DMXL2: variants seen among roughly 807,000 people sequenced by gnomAD.
The protein encoded by DMXL2 is dmX-like protein 2.
Under a neutral mutation model 331.1 loss-of-function variants are expected in DMXL2, and 103 were observed. The observed-to-expected ratio is 0.31, with a 90% confidence interval of 0.27 to 0.37. The LOEUF (loss-of-function observed/expected upper bound fraction) is 0.37, where lower values mean the gene tolerates loss of function less well. DMXL2 is among the 10% of genes least tolerant of loss of function. The probability of loss-of-function intolerance (pLI) is 1.00; values close to 1 mark genes in which losing one functional copy is unlikely to be tolerated. For missense variants in DMXL2, 3,171 were observed against 3,642.9 expected (o/e 0.87, Z 3.33); for synonymous variants, 1,281 against 1,252.1 (o/e 1.02, Z -0.49).
At position 51,536,411 on chromosome 15, in the gene DMXL2, C is replaced by T; in HGVS notation, c.2069G>A (p.Ser690Asn). ...DCQWDSDNKL[S>N]RLMDPVKHIK... is the part of the protein sequence containing the mutation. ...ATGTTTTACAGGGTCCATTAATCTACTTAATTTATTGTCTGAGTCCCACTG... is the reference window on the plus strand; with the variant it reads ...ATGTTTTACAGGGTCCATTAATCTATTTAATTTATTGTCTGAGTCCCACTG... The change falls in exon 12 of 44, where the codon AGT becomes AAT. Residue 690 changes from serine to asparagine, a missense_variant. By Grantham distance (46) the Ser-to-Asn change is conservative. Around this residue, in one of 7 missense-constraint regions of DMXL2, gnomAD observed 1,674 missense variants for 1,780.2 expected, o/e 0.94. Transcript: ENST00000560891. The T allele has an allele frequency of 4.3e-6, 7 of 1,613,836 alleles. No homozygotes were observed. Among genetic ancestry groups the T allele is most frequent in the Non-Finnish European group, 5.9e-6 (7 of 1,179,884 alleles).
At chr15:51,452,077 T>C (rs530011083) in intron 41 of DMXL2, among the ~76,000 whole-genome samples, 1 of 152,332 alleles carries the variant, frequency 6.6e-6, no homozygotes, top group Admixed American at 6.5e-5. Flanking sequence ...ATGTTGAGAA[T>C]GATGGGGACA....
intron 1 of DMXL2, among the ~76,000 whole-genome samples, chr15:51,602,186 A>G (rs2053274161): frequency 6.6e-6 from 1 of 152,158 alleles, no homozygotes; most frequent in Non-Finnish European, 1.5e-5. Context: ...ATTTTACTGA[A>G]CTAAGTTAGG....
chr15:51,512,857 A>C lies in DMXL2; in HGVS notation c.2644+1585T>G, dbSNP rs1229085549. On this transcript the variant is annotated intron_variant, in intron 15 of 43. Coordinates refer to ENST00000560891, the MANE Select transcript of DMXL2 (RefSeq NM_001378457.1). The stretch of plus-strand genomic sequence containing the variant: ...ATTCGGGGGGAAAAGGAAAAGAAAA[A>C]TTGTGTAGACAAAGCAAGTGTGATA... 2.6e-5 allele frequency among the ~76,000 whole-genome samples: 4 copies of C among 152,106 alleles called. No individual in the cohort carries two copies. The South Asian group carries it at 8.3e-4, about 32-fold the overall frequency.
intron 18 of DMXL2, among the ~76,000 whole-genome samples, chr15:51,497,970 T>C (rs1427357943): frequency 6.6e-6 from 1 of 152,120 alleles, no homozygotes; most frequent in African/African-American, 2.4e-5. Flanking sequence ...TGGTGACTCA[T>C]ACCTATAATC....
rs1246226398 is a variant in DMXL2, at chr15:51,481,444, T to C, written c.5662A>G (p.Thr1888Ala). 6.2e-7 allele frequency: 1 copy of C among 1,612,434 alleles called. No individual in the cohort carries two copies. The highest frequency in any genetic ancestry group is 1.3e-5 in the African/African-American group (1 of 74,782). ...NLIERKLFFT[T>A]ANAHFKVGCP... Reference sequence around the variant, plus strand: ...CCAACTTTAAAATGAGCATTTGCAGTGGTAAAGAATAATTTTCTTTCTATG... The same window carrying C: ...CCAACTTTAAAATGAGCATTTGCAGCGGTAAAGAATAATTTTCTTTCTATG... Residue 1888 changes from threonine to alanine, a missense_variant, in exon 24 of 44, where the codon ACT (threonine) becomes GCT (alanine). Physicochemically the swap from Thr to Ala is moderately conservative, Grantham distance 58. Coordinates refer to ENST00000560891, the MANE Select transcript of DMXL2 (RefSeq NM_001378457.1).
chr15:51,549,129 A>C (rs2049053337), intron 6 of DMXL2, among the ~76,000 whole-genome samples: 1 of 151,986 alleles, frequency 6.6e-6, no homozygotes, highest in South Asian at 2.1e-4. Flanking sequence ...CTTCCTCCCT[A>C]GTCCCCAAAG....
chr15:51,521,164 T>C lies in DMXL2; in HGVS notation c.2437-3997A>G, dbSNP rs553198721. Among the ~76,000 whole-genome samples, 558 of 152,234 alleles carry C rather than the reference T, an allele frequency of 3.7e-3. 5 individuals are homozygous for C. Among genetic ancestry groups the C allele is most frequent in the African/African-American group, 0.013 (534 of 41,528 alleles). On this transcript the variant is annotated intron_variant, in intron 13 of 43. Coordinates refer to ENST00000560891, the MANE Select transcript of DMXL2 (RefSeq NM_001378457.1). ...AAAATAAACACAGCTGGCTCTTGAG[T>C]GACAGCCGTAGTTGTAAGAGTTTGG...
At chr15:51,576,487 A>C (rs184645647) in intron 1 of DMXL2, among the ~76,000 whole-genome samples, 1 of 152,264 alleles carries the variant, frequency 6.6e-6, no homozygotes, top group East Asian at 1.9e-4. Context: ...CTTTCTCTCC[A>C]AAGTTCATCT....
At chr15:51,565,029 T>C (rs867988866) in intron 4 of DMXL2, 59 bp downstream of exon 4, 27 of 989,442 alleles carry the variant, frequency 2.7e-5, no homozygotes, top group Middle Eastern at 6.7e-4. Context: ...ATCACATTAT[T>C]ATCATACATT....
chr15:51,528,012 T>C (rs1371518921), intron 13 of DMXL2, among the ~76,000 whole-genome samples: 2 of 152,204 alleles, frequency 1.3e-5, no homozygotes, highest in African/African-American at 4.8e-5. Context: ...TAAGTCATAA[T>C]TAGCTTAAAA....
chr15:51,480,431 A>C, intron 24 of DMXL2, 111 bp downstream of exon 24: 1 of 1,295,764 alleles, frequency 7.7e-7, no homozygotes, highest in East Asian at 2.5e-5. Flanking sequence ...GAGGAGCTGA[A>C]CATATTTAGA....
chr15:51,511,157 C>G (rs2046734403), intron 15 of DMXL2, among the ~76,000 whole-genome samples: 1 of 152,080 alleles, frequency 6.6e-6, no homozygotes, highest in African/African-American at 2.4e-5. Flanking sequence ...ACTAAAACAC[C>G]AAAAACAATG....
At chr15:51,514,079 G>C (rs927365848) in intron 15 of DMXL2, among the ~76,000 whole-genome samples, 2 of 152,040 alleles carry the variant, frequency 1.3e-5, no homozygotes, top group Non-Finnish European at 2.9e-5. Flanking sequence ...TTGGTCTGAA[G>C]CAATTTACTG....
In DMXL2 at chr15:51,499,152, A is replaced by G. The variant is rs763064140; in HGVS notation, c.4072T>C (p.Leu1358=). The change falls in exon 18 of 44, where the codon TTA becomes CTA. Residue 1358 remains leucine (L), a synonymous_variant. Transcript: ENST00000560891. Reference sequence around the variant, plus strand: ...GCTTTAGCCCTTCGCACTTTCCCTAAATCCATCAATTCTAACAGCTGAGTT... The same window carrying G: ...GCTTTAGCCCTTCGCACTTTCCCTAGATCCATCAATTCTAACAGCTGAGTT... The part of the protein sequence containing the change: ...HPTQLLELMD[L]GKVRRAKAIL... The G allele has an allele frequency of 6.2e-7, 1 of 1,614,064 alleles. No homozygotes were observed. The highest frequency in any genetic ancestry group is 1.3e-5 in the African/African-American group (1 of 75,014).
intron 23 of DMXL2, among the ~76,000 whole-genome samples, chr15:51,484,601 C>A (rs910799291): frequency 6.6e-6 from 1 of 152,148 alleles, no homozygotes; most frequent in Non-Finnish European, 1.5e-5. Flanking sequence ...TTAGAAGAGG[C>A]AACTTTTTCT....
chr15:51,453,440 T>C (rs1411616955), intron 41 of DMXL2, 110 bp downstream of exon 41: 2 of 745,614 alleles, frequency 2.7e-6, no homozygotes, highest in African/African-American at 3.7e-5. Flanking sequence ...ACAAAGTTTT[T>C]TTTTTTAATG....
chr15:51,586,450 T>A (rs2051833397), intron 1 of DMXL2, among the ~76,000 whole-genome samples: 2 of 152,024 alleles, frequency 1.3e-5, no homozygotes, highest in Non-Finnish European at 2.9e-5. Flanking sequence ...CGTTTATGAG[T>A]AAGTGGTAAA....
chr15:51,481,694 T>C (rs2042021100), intron 23 of DMXL2, 71 bp from the exon 24 acceptor site: 1 of 1,382,718 alleles, frequency 7.2e-7, no homozygotes, highest in African/African-American at 1.4e-5. Flanking sequence ...AACAATAAAA[T>C]ACGTCAGCAT....
chr15:51,481,678 T>C lies in DMXL2; in HGVS notation c.5483-55A>G. ...AGCATTGTGTTAATATGTATTTACA[T>C]TACAAAACAATAAAATACGTCAGCA... On this transcript the variant is annotated intron_variant, in intron 23 of 43. Coordinates refer to ENST00000560891, the MANE Select transcript of DMXL2 (RefSeq NM_001378457.1). The C allele has an allele frequency of 6.2e-6, 9 of 1,441,798 alleles. 1 individual carries two copies. The highest frequency in any genetic ancestry group is 8.3e-6 in the Non-Finnish European group (9 of 1,077,888). The allele number at this position is 1,441,798 out of a possible 1,614,324, so 89.3% of individuals were successfully genotyped here.
Sources: gnomAD v4.1 joint callset for allele counts (sites outside exome capture counted in the v4.1 genomes callset) on GRCh38, gnomAD v4.1.1 for gene constraint, gnomAD v4.1.1 regional missense constraint, MANE v1.5 for transcripts, NCBI Gene and HGNC (gene_info 2026-07-23, HGNC 2026-07-21) for gene names.